MORN3: variants seen among roughly 807,000 people sequenced by gnomAD.
MORN3 encodes MORN repeat containing 3.
In MORN3, 38 loss-of-function variants were observed where a neutral mutation model predicts 34.7. That is an observed-to-expected ratio of 1.10 (90% CI 0.85 to 1.44). MORN3 has a LOEUF of 1.44. Ranked by LOEUF, MORN3 falls within the 40% of genes most tolerant of loss-of-function variation. MORN3 has a pLI of 0.00. For synonymous variants in MORN3, 109 were observed against 115.3 expected, an observed-to-expected ratio of 0.95 and a Z score of 0.35; for missense variants, 311 against 321.7, an observed-to-expected ratio of 0.97 and a Z score of 0.25.
intron 2 of MORN3, 31 bp downstream of exon 2, chr12:121,659,159 AC>A: frequency 6.2e-7 from 1 of 1,605,628 alleles, no homozygotes. Context: ...ACACACACAC[AC>A]ACACACACCC....
rs181450979 is a variant in MORN3 at position 121,667,970 on chromosome 12, G to A, written c.145+1369C>T. 5.7e-3 allele frequency among the ~76,000 whole-genome samples: 864 copies of A among 151,836 alleles called. 10 individuals carry two copies. The highest frequency in any genetic ancestry group is 0.019 in the African/African-American group (792 of 41,472). On this transcript the variant is annotated intron_variant, in intron 1 of 5. Coordinates refer to ENST00000355329, the MANE Select transcript of MORN3 (RefSeq NM_173855.5). ...AATCTCCTGACCTCATGATCCGCCCGCCTCGGCTTCCCAAAGTGCTGGGAT... is the reference window on the plus strand; with the variant it reads ...AATCTCCTGACCTCATGATCCGCCCACCTCGGCTTCCCAAAGTGCTGGGAT...
upstream of MORN3, among the ~76,000 whole-genome samples, chr12:121,669,836 T>TA (rs1566488493): frequency 7.9e-6 from 1 of 126,822 alleles, no homozygotes; most frequent in African/African-American, 3.0e-5. Context: ...ATATATATTT[T>TA]TTTTTTTATG....
rs114974963 is a variant in MORN3, at chr12:121,653,941, C to A, written c.463+333G>T. 8.7e-3 allele frequency among the ~76,000 whole-genome samples: 1,326 copies of A among 152,124 alleles called. 16 individuals carry two copies. Among genetic ancestry groups the A allele is most frequent in the African/African-American group, 0.03 (1,254 of 41,486 alleles). On this transcript the variant is annotated intron_variant, in intron 3 of 5. Transcript: ENST00000355329. ...TCTAGTTTCAAAACGTTTTAATCAC[C>A]CGAAAAGGAAACCCTGTGCCCATTA...
intron 1 of MORN3, 144 bp downstream of exon 1, chr12:121,669,195 G>C: frequency 1.9e-6 from 2 of 1,049,728 alleles, no homozygotes; most frequent in Non-Finnish European, 2.7e-6. Context: ...AAGGCCCCCA[G>C]CTGGCCTGGG....
chr12:121,664,757 T>C (rs898943561), intron 1 of MORN3, among the ~76,000 whole-genome samples: 3 of 151,220 alleles, frequency 2.0e-5, no homozygotes, highest in Admixed American at 1.3e-4. Context: ...CACCCGAACC[T>C]TGGGGATTTA....
intron 5 of MORN3, among the ~76,000 whole-genome samples, chr12:121,652,215 T>C (rs1893272649): frequency 6.6e-6 from 1 of 150,944 alleles, no homozygotes; most frequent in African/African-American, 2.4e-5. Context: ...ATTACAGGAT[T>C]ATAGGATTAC....
intron 1 of MORN3, among the ~76,000 whole-genome samples, chr12:121,666,619 A>C (rs1893764378): frequency 6.6e-6 from 1 of 152,034 alleles, no homozygotes; most frequent in South Asian, 2.1e-4. Context: ...AAAAAAGGCC[A>C]GCCAGGGAGA....
At chr12:121,652,976 C>T (rs547319195) in intron 4 of MORN3, 99 bp downstream of exon 4, 5 of 1,461,290 alleles carry the variant, frequency 3.4e-6, no homozygotes, top group African/African-American at 1.4e-5. Context: ...CCTGTCTGGG[C>T]TTGGCTGGGC....
rs200246306 is a variant in MORN3 at position 121,669,518 on chromosome 12, A to G, written c.-35T>C. 1.5e-4 allele frequency: 243 copies of G among 1,610,650 alleles called. No homozygotes were observed. In the Middle Eastern group the frequency reaches 2.6e-3, roughly 18 times the overall value. ...TTCTGCAAGGCTGGAGGGTGCTGGAAAGGGGTTAGGGACATCTGGGGCTCA... is the reference window on the plus strand; with the variant it reads ...TTCTGCAAGGCTGGAGGGTGCTGGAGAGGGGTTAGGGACATCTGGGGCTCA... On this transcript the variant is annotated 5_prime_UTR_variant, in exon 1 of 6. Transcript: ENST00000355329.
chr12:121,654,247 C>CGGGGCCGGCGGGGGT, intron 3 of MORN3, 27 bp downstream of exon 3: 2 of 970,124 alleles, frequency 2.1e-6, no homozygotes, highest in Non-Finnish European at 2.7e-6. Context: ...GTCGGGTGGG[C>CGGGGCCGGCGGGGGT]GGGGCCGGCG....
chr12:121,669,547 C>T lies in MORN3; in HGVS notation c.-64G>A, dbSNP rs991140317. On this transcript the variant is annotated 5_prime_UTR_variant, in exon 1 of 6. Coordinates refer to ENST00000355329, the MANE Select transcript of MORN3 (RefSeq NM_173855.5). ...GGTTAGGGACATCTGGGGCTCAGCG[C>T]GCCCCGTGTAATGCCGGGATCCTGA... 7.4e-5 allele frequency: 118 copies of T among 1,593,478 alleles called. No individual in the cohort carries two copies. The East Asian group carries it at 1.3e-3, about 17-fold the overall frequency.
In MORN3 at chr12:121,669,391, G is replaced by T; in HGVS notation, c.93C>A (p.Tyr31Ter). The part of the protein sequence containing the change: ...AQRNGLRSQV[Y>*]AVNGDYYVGE... ...CCACATAGTAGTCGCCATTCACAGC[G>T]TATACCTGGCTCCGCAGGCCGTTCC... Residue 31 changes from tyrosine (Y) to a stop codon, truncating the protein, a stop_gained, in exon 1 of 6, where the codon TAC becomes TAA. Transcript: ENST00000355329. LOFTEE classifies it high-confidence loss of function. 4 of 1,614,012 alleles carry T rather than the reference G, an allele frequency of 2.5e-6. No homozygotes were observed. In the South Asian group the frequency reaches 4.4e-5, roughly 18 times the overall value.
upstream of MORN3, among the ~76,000 whole-genome samples, chr12:121,671,442 G>T (rs547028509): frequency 1.3e-5 from 2 of 151,242 alleles, no homozygotes; most frequent in Non-Finnish European, 2.9e-5. Context: ...GAGACTTTAC[G>T]TATCATTATT....
Position 121,649,571 on chromosome 12 carries a change from G to A in MORN3, c.*2080C>T, listed in dbSNP as rs1354281172. 6.6e-6 allele frequency: 1 copy of A among 152,118 alleles called. No individual in the cohort carries two copies. Among genetic ancestry groups the A allele is most frequent in the African/African-American group, 2.4e-5 (1 of 41,414 alleles). 9.4% of individuals were successfully genotyped at this position (152,118 alleles called of 1,614,324 possible). On this transcript the variant is annotated 3_prime_UTR_variant, in exon 6 of 6. Coordinates refer to ENST00000355329, the MANE Select transcript of MORN3 (RefSeq NM_173855.5). ...AGACTGAGAACCACACCCTTGGTGA[G>A]GCCACCCTACTTATGACTTAGGGGG...
chr12:121,657,913 C>T (rs1283299829), intron 2 of MORN3, among the ~76,000 whole-genome samples: 10 of 151,914 alleles, frequency 6.6e-5, no homozygotes, highest in Admixed American at 2.0e-4. Flanking sequence ...TCAGGTCTCC[C>T]ACACAGCCAG....
intron 1 of MORN3, among the ~76,000 whole-genome samples, chr12:121,664,997 A>G (rs187542200): frequency 1.4e-3 from 210 of 151,920 alleles, no homozygotes; most frequent in African/African-American, 4.8e-3. Context: ...ATTAGAGGGG[A>G]AAGGTGCTTT....
intron 1 of MORN3, among the ~76,000 whole-genome samples, 183 bp from the exon 2 acceptor site, chr12:121,659,531 T>C (rs1893517814): frequency 6.7e-6 from 1 of 149,536 alleles, no homozygotes; most frequent in Non-Finnish European, 1.5e-5. Context: ...TTTCTTTCTT[T>C]CTTTCTTTCT....
intron 2 of MORN3, 26 bp from the exon 3 acceptor site, chr12:121,654,459 C>T (rs1235654928): frequency 1.0e-5 from 16 of 1,549,626 alleles, no homozygotes; most frequent in African/African-American, 1.4e-5. Flanking sequence ...TGCTACTACT[C>T]AGGGCGCCCC....
At position 121,669,593 on chromosome 12, in the gene MORN3, G is replaced by A; in HGVS notation, c.-110C>T. ...CCTGAGCTCAAGTGGGGAGAGTCAT[G>A]TGTGTTCTGAGTCCCTGGGGCAGGT... On this transcript the variant is annotated 5_prime_UTR_variant, in exon 1 of 6. Coordinates refer to ENST00000355329, the MANE Select transcript of MORN3 (RefSeq NM_173855.5). 1.4e-6 allele frequency: 2 copies of A among 1,465,756 alleles called. No homozygotes were observed. The highest frequency in any genetic ancestry group is 1.9e-6 in the Non-Finnish European group (2 of 1,070,914). 90.8% of individuals were successfully genotyped at this position (1,465,756 alleles called of 1,614,324 possible).
Sources: allele counts gnomAD v4.1 joint callset (sites outside exome capture counted in the v4.1 genomes callset), GRCh38; gene constraint gnomAD v4.1.1; transcripts MANE v1.5; gene names NCBI Gene and HGNC (gene_info 2026-07-23, HGNC 2026-07-21).